The following EXOSC3 variants were observed in gnomAD, a reference collection of about 807,000 sequenced individuals.
EXOSC3 encodes the protein exosome component 3, also known as exosome complex component RRP40.
In EXOSC3, 18 loss-of-function variants were observed where a neutral mutation model predicts 25.1. The observed-to-expected ratio is 0.72, with a 90% CI of 0.50 to 1.06. The LOEUF (loss-of-function observed/expected upper bound fraction) is 1.06, where lower values mean the gene tolerates loss of function less well. Among genes scored for constraint, EXOSC3 ranks in the 50% least tolerant of loss-of-function variants. The pLI, the probability that EXOSC3 is intolerant of heterozygous loss-of-function variation, is 0.00. For missense variants in EXOSC3, 382 were observed against 350.9 expected (o/e 1.09, Z -0.71); for synonymous variants, 165 against 132.2 (o/e 1.25, Z -1.70).
In EXOSC3 at chr9:37,784,751, ACCG is replaced by A. The variant is rs765425298; in HGVS notation, c.291_293del (p.Gly98del). The A allele has an allele frequency of 1.9e-6, 3 of 1,599,292 alleles. No individual in the cohort carries two copies. The highest frequency in any genetic ancestry group is 1.7e-6 in the Non-Finnish European group (2 of 1,176,742). On this transcript the variant is annotated inframe_deletion, in exon 1 of 4. Coordinates refer to ENST00000327304, the MANE Select transcript of EXOSC3 (RefSeq NM_016042.4). ...TCTGCTGAGAGTCCACCCAGTAAAC[ACCG>A]CCGCCGCTGCCACTGCCGGGCTCCT...
Position 37,784,732 on chromosome 9 carries a change from G to T in EXOSC3, c.313C>A (p.Gln105Lys), listed in dbSNP as rs1387099040. ...GAGTCCCAGCTCACCCGCTTCTGCT[G>T]AGAGTCCACCCAGTAAACACCGCCG... ...SGGGVYWVDS[Q>K]QKRYVPVKGD... The change falls in exon 1 of 4, where the codon CAG becomes AAG. Residue 105 changes from glutamine to lysine, a missense_variant. By Grantham distance (53) the Gln-to-Lys change is moderately conservative (BLOSUM62 1). Coordinates refer to ENST00000327304, the MANE Select transcript of EXOSC3 (RefSeq NM_016042.4). 6.3e-7 allele frequency: 1 copy of T among 1,595,346 alleles called. No individual in the cohort carries two copies. Among genetic ancestry groups the T allele is most frequent in the South Asian group, 1.1e-5 (1 of 90,508 alleles).
chr9:37,781,393 C>G (rs1054574695), intron 3 of EXOSC3, among the ~76,000 whole-genome samples: 1 of 149,068 alleles, frequency 6.7e-6, no homozygotes, highest in African/African-American at 2.5e-5. Context: ...TAAGGAGAGG[C>G]ATACAAGATA....
At position 37,780,312 on chromosome 9, in the gene EXOSC3, T is replaced by G. The variant is rs1471760320; in HGVS notation, c.*367A>C. 9.5e-6 allele frequency: 2 copies of G among 211,082 alleles called. No individual in the cohort carries two copies. The highest frequency in any genetic ancestry group is 4.7e-5 in the African/African-American group (2 of 42,300). 13.1% of individuals were successfully genotyped at this position (211,082 alleles called of 1,614,324 possible). On this transcript the variant is annotated 3_prime_UTR_variant, in exon 4 of 4. Transcript: ENST00000327304. ...GGGACTACAGGTGACATTTCTTTGC[T>G]GCTTTATACTTAGGTATTCCACATT... is the stretch of plus-strand genomic sequence containing the variant.
Position 37,784,742 on chromosome 9 carries a change from C to G in EXOSC3, c.303G>C (p.Trp101Cys). 1.3e-6 allele frequency: 2 copies of G among 1,599,784 alleles called. No homozygotes were observed. Among genetic ancestry groups the G allele is most frequent in the Non-Finnish European group, 1.7e-6 (2 of 1,177,064 alleles). ...PGSGSGGGVY[W>C]VDSQQKRYVP... ...TCACCCGCTTCTGCTGAGAGTCCAC[C>G]CAGTAAACACCGCCGCCGCTGCCAC... is the stretch of plus-strand genomic sequence containing the variant. Residue 101 changes from tryptophan (W) to cysteine (C), a missense_variant, in exon 1 of 4, where the codon TGG (tryptophan) becomes TGC (cysteine). Physicochemically the swap from Trp to Cys is radical, Grantham distance 215. Transcript: ENST00000327304.
rs1828558686 is a variant in EXOSC3 at position 37,780,475 on chromosome 9, T to C, written c.*204A>G. 1 of 556,234 alleles carries C rather than the reference T, an allele frequency of 1.8e-6. No individual in the cohort carries two copies. Among genetic ancestry groups the C allele is most frequent in the Admixed American group, 3.3e-5 (1 of 30,202 alleles). 34.5% of individuals were successfully genotyped at this position (556,234 alleles called of 1,614,324 possible). On this transcript the variant is annotated 3_prime_UTR_variant, in exon 4 of 4. Transcript: ENST00000327304. ...TAATACTGTTTTTTAGTAAACTTTATTGTACCGAACAAAAAAAATGATTTT... is the reference window on the plus strand; with the variant it reads ...TAATACTGTTTTTTAGTAAACTTTACTGTACCGAACAAAAAAAATGATTTT...
At chr9:37,782,990 T>G (rs1828628014) in intron 2 of EXOSC3, among the ~76,000 whole-genome samples, 3 of 152,178 alleles carry the variant, frequency 2.0e-5, no homozygotes, top group Admixed American at 2.0e-4. Flanking sequence ...AATGAGAATG[T>G]GTTCCATAGG....
Position 37,780,631 on chromosome 9 carries a change from A to C in EXOSC3, c.*48T>G. ...TAAATGGGGGAGGTTCACCTGAAAA[A>C]ACCCATAGTTTTTTGCCTCAACTGA... is the stretch of plus-strand genomic sequence containing the variant. On this transcript the variant is annotated 3_prime_UTR_variant, in exon 4 of 4. Transcript: ENST00000327304. 6.6e-7 allele frequency: 1 copy of C among 1,510,914 alleles called. No homozygotes were observed. The highest frequency in any genetic ancestry group is 9.2e-7 in the Non-Finnish European group (1 of 1,092,548). The allele number at this position is 1,510,914 out of a possible 1,614,324, so 93.6% of individuals were successfully genotyped here.
Position 37,780,050 on chromosome 9 carries a change from G to A in EXOSC3, c.*629C>T, listed in dbSNP as rs1223837149. The A allele has an allele frequency of 6.6e-6, 1 of 152,146 alleles. No homozygotes were observed. The highest frequency in any genetic ancestry group is 1.9e-4 in the East Asian group (1 of 5,202). 9.4% of individuals were successfully genotyped at this position (152,146 alleles called of 1,614,324 possible). A position where few individuals can be genotyped will look rare whatever the true frequency, so the allele number is the denominator to read the frequency against. Reference sequence around the variant, plus strand: ...AAATATGTGACTAAAGTTGTGAAATGTATCATGCTGTTTGAAGTAGACAAA... The same window carrying A: ...AAATATGTGACTAAAGTTGTGAAATATATCATGCTGTTTGAAGTAGACAAA... On this transcript the variant is annotated 3_prime_UTR_variant, in exon 4 of 4. Coordinates refer to ENST00000327304, the MANE Select transcript of EXOSC3 (RefSeq NM_016042.4).
rs1828617371 is a variant in EXOSC3, at chr9:37,782,514, C to T, written c.475-377G>A. Among the ~76,000 whole-genome samples, 3 of 152,230 alleles carry T rather than the reference C, an allele frequency of 2.0e-5. No individual in the cohort carries two copies. In the South Asian group the frequency reaches 6.2e-4, roughly 31 times the overall value. ...TGCTCAACAGCTAGTGGCTACCATA[C>T]TAATCAGTGCAGATACAAAACAGCA... On this transcript the variant is annotated intron_variant, in intron 2 of 3. Coordinates refer to ENST00000327304, the MANE Select transcript of EXOSC3 (RefSeq NM_016042.4).
chr9:37,785,049 G>A lies in EXOSC3; in HGVS notation c.-5C>T. On this transcript the variant is annotated 5_prime_UTR_variant, in exon 1 of 4. Transcript: ENST00000327304. ...GACAGACGCAGGTTCGGCCATCGCG[G>A]GCTCCACCAAACACCGTTTCCGGTA... The A allele has an allele frequency of 1.9e-6, 3 of 1,592,448 alleles. No homozygotes were observed. The highest frequency in any genetic ancestry group is 2.3e-5 in the East Asian group (1 of 44,346).
rs142727320 is a variant in EXOSC3, at chr9:37,780,615, G to A, written c.*64C>T. On this transcript the variant is annotated 3_prime_UTR_variant, in exon 4 of 4. Coordinates refer to ENST00000327304, the MANE Select transcript of EXOSC3 (RefSeq NM_016042.4). ...TTATCTTCTGAGTATTTAAATGGGG[G>A]AGGTTCACCTGAAAAAACCCATAGT... 4.4e-4 allele frequency: 543 copies of A among 1,239,014 alleles called. 4 individuals carry two copies. The African/African-American group carries it at 7.5e-3, about 17-fold the overall frequency. The allele number at this position is 1,239,014 out of a possible 1,614,324, so 76.8% of individuals were successfully genotyped here.
At chr9:37,781,424 T>C (rs891343499) in intron 3 of EXOSC3, among the ~76,000 whole-genome samples, 1 of 150,022 alleles carries the variant, frequency 6.7e-6, no homozygotes, top group Non-Finnish European at 1.5e-5. Context: ...TCACTGGCTC[T>C]AGGAGTAAAG....
At chr9:37,781,898 A>G in intron 3 of EXOSC3, 88 bp downstream of exon 3, 1 of 1,413,150 alleles carries the variant, frequency 7.1e-7, no homozygotes, top group East Asian at 2.3e-5. Context: ...TTCAAACGTT[A>G]CAAAGAATCT....
chr9:37,782,147 T>C lies in EXOSC3; in HGVS notation c.475-10A>G. The stretch of plus-strand genomic sequence containing the variant: ...AGATGAGATCTCCAACCTACAATGA[T>C]ATTAAAAACCAGTTCATTTCCTCTC... On this transcript the variant is annotated splice_polypyrimidine_tract_variant and intron_variant, in intron 2 of 3. Transcript: ENST00000327304. The C allele has an allele frequency of 3.7e-6, 6 of 1,613,152 alleles. No individual in the cohort carries two copies. Among genetic ancestry groups the C allele is most frequent in the Non-Finnish European group, 5.1e-6 (6 of 1,179,600 alleles).
chr9:37,784,554 T>C (rs1805232576), intron 1 of EXOSC3, 167 bp downstream of exon 1: 2 of 758,264 alleles, frequency 2.6e-6, no homozygotes, highest in African/African-American at 3.5e-5. Context: ...GTTCCTATTG[T>C]TCACGGTCCC....
intron 1 of EXOSC3, 95 bp from the exon 2 acceptor site, chr9:37,784,158 T>A (rs1017028067): frequency 7.4e-7 from 1 of 1,343,730 alleles, no homozygotes; most frequent in African/African-American, 1.5e-5. Context: ...TTTATTGTCA[T>A]TAAAGAGAAA....
At position 37,784,911 on chromosome 9, in the gene EXOSC3, G is replaced by A. The variant is rs757129344; in HGVS notation, c.134C>T (p.Pro45Leu). ...CAACGGTCGCTCCACTGCACCCCCA[G>A]GGCCTTCCGCGTCCTCCTGTTCCGG... ...LLPEQEDAEGPGGAVERPLSL... is the reference protein window; with the variant it reads ...LLPEQEDAEGLGGAVERPLSL... The change falls in exon 1 of 4, where the codon CCT becomes CTT. Residue 45 changes from proline (P) to leucine (L), a missense_variant. Physicochemically the swap from Pro to Leu is moderately conservative, Grantham distance 98. Coordinates refer to ENST00000327304, the MANE Select transcript of EXOSC3 (RefSeq NM_016042.4). 5 of 1,608,374 alleles carry A rather than the reference G, an allele frequency of 3.1e-6. No homozygotes were observed. The highest frequency in any genetic ancestry group is 1.3e-5 in the African/African-American group (1 of 74,938).
In EXOSC3 at chr9:37,780,167, A is replaced by C. The variant is rs1828540959; in HGVS notation, c.*512T>G. On this transcript the variant is annotated 3_prime_UTR_variant, in exon 4 of 4. Transcript: ENST00000327304. ...TAGGCCAAGTTAAATTCTGTGCCTC[A>C]GTTTCAATTATGAGGATAAGTGTCT... The C allele has an allele frequency of 6.5e-6, 1 of 153,184 alleles. No individual in the cohort carries two copies. The highest frequency in any genetic ancestry group is 1.5e-5 in the Non-Finnish European group (1 of 68,792). The allele number at this position is 153,184 out of a possible 1,614,324, so 9.5% of individuals were successfully genotyped here.
In EXOSC3 at chr9:37,780,708, G is replaced by T. The variant is rs771261237; in HGVS notation, c.799C>A (p.Gln267Lys). ...CTTTCTGCCAATCTGGAGAAGATCTGTTTTCTTTGATCTGACGTCATGTGT... is the reference window on the plus strand; with the variant it reads ...CTTTCTGCCAATCTGGAGAAGATCTTTTTTCTTTGATCTGACGTCATGTGT... ...CEHMTSDQRK[Q>K]IFSRLAES The change falls in exon 4 of 4, where the codon CAG (glutamine) becomes AAG (lysine). Residue 267 changes from glutamine (Q) to lysine (K), a missense_variant. By Grantham distance (53) the Gln-to-Lys change is moderately conservative. Transcript: ENST00000327304. 6.2e-7 allele frequency: 1 copy of T among 1,613,828 alleles called. No individual in the cohort carries two copies. Among genetic ancestry groups the T allele is most frequent in the Non-Finnish European group, 8.5e-7 (1 of 1,179,874 alleles).
Sources: allele counts gnomAD v4.1 joint callset (sites outside exome capture counted in the v4.1 genomes callset), GRCh38; gene constraint gnomAD v4.1.1; transcripts MANE v1.5; gene names NCBI Gene and HGNC (gene_info 2026-07-23, HGNC 2026-07-21).